The following CCSER1 variants were observed in gnomAD, a reference collection of about 807,000 sequenced individuals.
CCSER1 encodes the protein serine-rich coiled-coil domain-containing protein 1.
Under a neutral mutation model 82.0 loss-of-function variants are expected in CCSER1, and 41 were observed. That is an observed-to-expected ratio of 0.50 (90% CI 0.39 to 0.65). The LOEUF (loss-of-function observed/expected upper bound fraction) is 0.65. CCSER1 is among the 30% of genes least tolerant of loss of function. The pLI is 0.00. For missense variants in CCSER1, 1,119 were observed against 1,064.2 expected, an observed-to-expected ratio of 1.05 and a Z score of -0.72; for synonymous variants, 414 against 383.9, an observed-to-expected ratio of 1.08 and a Z score of -0.92.
At position 91,381,555 on chromosome 4, in the gene CCSER1, A is replaced by G. The variant is rs6829420; in HGVS notation, c.2218-217017A>G. On this transcript the variant is annotated intron_variant, in intron 10 of 10. Transcript: ENST00000509176. ...TCAAATCGGCTACTAAAGCTTGTGC[A>G]TTCATCAGGTAGTTCTCGTGCCATG... Among the ~76,000 whole-genome samples the G allele has an allele frequency of 6.9e-3, 1,057 of 152,298 alleles. 8 individuals are homozygous for G. The highest frequency in any genetic ancestry group is 0.024 in the African/African-American group (995 of 41,554).
At chr4:90,482,039 C>T (rs890054154) in intron 5 of CCSER1, among the ~76,000 whole-genome samples, 2 of 152,138 alleles carry the variant, frequency 1.3e-5, no homozygotes, top group Non-Finnish European at 2.9e-5. Flanking sequence ...ATTATAGCCT[C>T]AATTTCAAAG....
intron 5 of CCSER1, among the ~76,000 whole-genome samples, chr4:90,612,066 A>G (rs1579467232): frequency 6.6e-6 from 1 of 152,126 alleles, no homozygotes; most frequent in African/African-American, 2.4e-5. Context: ...AATAACAAAT[A>G]TTTTAATTGC....
chr4:90,964,994 G>A (rs183997115), intron 9 of CCSER1, among the ~76,000 whole-genome samples: 3 of 151,974 alleles, frequency 2.0e-5, no homozygotes, highest in African/African-American at 7.2e-5. Context: ...CACTAAGGGG[G>A]CCTTATCTAT....
intron 9 of CCSER1, among the ~76,000 whole-genome samples, chr4:91,080,698 G>T (rs1722610103): frequency 6.6e-6 from 1 of 151,884 alleles, no homozygotes; most frequent in African/African-American, 2.4e-5. Context: ...AAAAAGAGAA[G>T]AATCAAATAG....
chr4:90,969,190 A>G (rs955622746), intron 9 of CCSER1, among the ~76,000 whole-genome samples: 7 of 151,954 alleles, frequency 4.6e-5, no homozygotes, highest in Non-Finnish European at 1.0e-4. Flanking sequence ...CAGTATACAC[A>G]TTATGTAAGT....
chr4:90,305,841 C>G (rs912781616), intron 1 of CCSER1, among the ~76,000 whole-genome samples: 3 of 152,252 alleles, frequency 2.0e-5, no homozygotes, highest in Non-Finnish European at 4.4e-5. Flanking sequence ...TATAGCCAAA[C>G]AATTGAAATC....
chr4:91,027,358 T>C (rs1740576515), intron 9 of CCSER1, among the ~76,000 whole-genome samples: 1 of 132,592 alleles, frequency 7.5e-6, no homozygotes, highest in Non-Finnish European at 1.8e-5. Context: ...GTTAACTTAG[T>C]TAATTGGGTT....
chr4:91,045,477 T>G (rs1046387276), intron 9 of CCSER1, among the ~76,000 whole-genome samples: 7 of 127,162 alleles, frequency 5.5e-5, no homozygotes, highest in Non-Finnish European at 1.3e-4. Context: ...CATTATCCCT[T>G]AACAATAACT....
chr4:91,004,187 C>G (rs1738299364), intron 9 of CCSER1, among the ~76,000 whole-genome samples: 1 of 152,088 alleles, frequency 6.6e-6, no homozygotes, highest in Non-Finnish European at 1.5e-5. Context: ...CAATGTGAGT[C>G]TCTACACACT....
chr4:90,784,181 G>T (rs551326061), intron 7 of CCSER1, among the ~76,000 whole-genome samples: 8 of 152,272 alleles, frequency 5.3e-5, no homozygotes, highest in Non-Finnish European at 8.8e-5. Flanking sequence ...GTAGCATTCT[G>T]AGTGAAGAAG....
intron 6 of CCSER1, among the ~76,000 whole-genome samples, chr4:90,647,905 A>C (rs1321543112): frequency 6.6e-6 from 1 of 152,188 alleles, no homozygotes; most frequent in Non-Finnish European, 1.5e-5. Context: ...GTTATGTGAA[A>C]AACAGCAACA....
chr4:90,553,364 A>G (rs1361966689), intron 5 of CCSER1, among the ~76,000 whole-genome samples: 2 of 152,226 alleles, frequency 1.3e-5, no homozygotes, highest in Non-Finnish European at 2.9e-5. Flanking sequence ...ATCACAAAAT[A>G]TTTGTAAACT....
intron 3 of CCSER1, among the ~76,000 whole-genome samples, chr4:90,391,475 T>TATATATATAC (rs1751081251): frequency 1.1e-5 from 1 of 90,696 alleles, no homozygotes; most frequent in African/African-American, 6.8e-5. Flanking sequence ...TATATATATA[T>TATATATATAC]ATATATATAT....
chr4:91,016,025 T>C (rs1739401677), intron 9 of CCSER1, among the ~76,000 whole-genome samples: 1 of 152,060 alleles, frequency 6.6e-6, no homozygotes, highest in South Asian at 2.1e-4. Flanking sequence ...TACTTATTAC[T>C]GAACAGATTT....
intron 4 of CCSER1, among the ~76,000 whole-genome samples, chr4:90,450,488 G>A (rs946136038): frequency 1.3e-5 from 2 of 152,148 alleles, no homozygotes; most frequent in African/African-American, 2.4e-5. Context: ...GAACAAAAGC[G>A]GTAACAGTAA....
chr4:90,651,336 C>A (rs1728702788), intron 6 of CCSER1, among the ~76,000 whole-genome samples: 1 of 152,140 alleles, frequency 6.6e-6, no homozygotes, highest in Non-Finnish European at 1.5e-5. Context: ...GGCACATATA[C>A]ACTATGGAAT....
intron 10 of CCSER1, among the ~76,000 whole-genome samples, chr4:91,182,767 G>T (rs183334683): frequency 4.1e-4 from 63 of 152,292 alleles, no homozygotes; most frequent in African/African-American, 1.4e-3. Context: ...GTGAGAAAAG[G>T]TGTCCACACA....
At chr4:90,835,199 T>C (rs991091496) in intron 8 of CCSER1, among the ~76,000 whole-genome samples, 4 of 152,022 alleles carry the variant, frequency 2.6e-5, no homozygotes, top group Non-Finnish European at 5.9e-5. Flanking sequence ...GGCGTGGTGG[T>C]GGACGCCTGT....
chr4:91,491,948 GTTT>G (rs10717215), intron 10 of CCSER1, among the ~76,000 whole-genome samples: 13 of 124,568 alleles, frequency 1.0e-4, no homozygotes, highest in African/African-American at 1.4e-4. Context: ...ATTGCTAATA[GTTT>G]TTTTTTTTTT....
Sources: allele counts gnomAD v4.1 joint callset (sites outside exome capture counted in the v4.1 genomes callset), GRCh38; gene constraint gnomAD v4.1.1; transcripts MANE v1.5; gene names NCBI Gene and HGNC (gene_info 2026-07-23, HGNC 2026-07-21).